IFT122: variants seen among roughly 807,000 people sequenced by gnomAD.
The protein encoded by IFT122 is intraflagellar transport protein 122 homolog.
A neutral mutation model predicts 161.6 loss-of-function variants in IFT122; 118 were observed. The observed-to-expected ratio is 0.73, with a 90% CI of 0.63 to 0.85. The LOEUF (loss-of-function observed/expected upper bound fraction) is 0.85. IFT122 is among the 40% of genes least tolerant of loss of function. IFT122 has a pLI of 0.00. For synonymous variants in IFT122, 550 were observed against 602.4 expected, an observed-to-expected ratio of 0.91 and a Z score of 1.27; for missense variants, 1,381 against 1,579.6, an observed-to-expected ratio of 0.87 and a Z score of 2.13.
At position 129,497,995 on chromosome 3, in the gene IFT122, T is replaced by C. The variant is rs564339008; in HGVS notation, c.2209-1907T>C. On this transcript the variant is annotated intron_variant, in intron 18 of 29. Transcript: ENST00000348417. ...TCTTAACTCTTATGTAGTATGTTCT[T>C]ATCAAAATCACCAAGCATGAGAACA... Among the ~76,000 whole-genome samples, 25 of 152,356 alleles carry C rather than the reference T, an allele frequency of 1.6e-4. No individual in the cohort carries two copies. The East Asian group carries it at 2.1e-3, about 13-fold the overall frequency.
intron 28 of IFT122, 67 bp downstream of exon 28, chr3:129,519,253 A>G: frequency 7.2e-7 from 1 of 1,392,526 alleles, no homozygotes; most frequent in Non-Finnish European, 1.0e-6. Flanking sequence ...GCACATGGGG[A>G]CCCTCAGCTA....
intron 3 of IFT122, chr3:129,456,283 T>C (rs1457192776): frequency 8.0e-7 from 1 of 1,246,800 alleles, no homozygotes; most frequent in Non-Finnish European, 1.0e-6. Context: ...AGTTTCTTTG[T>C]TTATTTAGTA....
At chr3:129,492,031 C>G in intron 16 of IFT122, 110 bp from the exon 17 acceptor site, 3 of 833,714 alleles carry the variant, frequency 3.6e-6, no homozygotes, top group Non-Finnish European at 6.3e-6. Flanking sequence ...CTCCCTTCCT[C>G]TCCTCTGTGG....
At chr3:129,519,357 T>C (rs1160451386) in intron 28 of IFT122, among the ~76,000 whole-genome samples, 171 bp downstream of exon 28, 3 of 152,168 alleles carry the variant, frequency 2.0e-5, no homozygotes, top group Non-Finnish European at 2.9e-5. Flanking sequence ...GAGCCATGGC[T>C]GCCCCCGAGG....
chr3:129,451,750 A>T (rs1053360918), intron 2 of IFT122, among the ~76,000 whole-genome samples, 164 bp from the exon 3 acceptor site: 1 of 152,158 alleles, frequency 6.6e-6, no homozygotes, highest in African/African-American at 2.4e-5. Context: ...TGGTTACCCA[A>T]CTTTAAGTCA....
chr3:129,442,871 T>G (rs1357244609), intron 1 of IFT122, among the ~76,000 whole-genome samples: 1 of 152,242 alleles, frequency 6.6e-6, no homozygotes, highest in East Asian at 1.9e-4. Flanking sequence ...ACTTTTAGGT[T>G]GAGCTGAAAA....
At chr3:129,458,822 G>A (rs1458378986) in intron 4 of IFT122, 145 bp downstream of exon 4, 4 of 706,730 alleles carry the variant, frequency 5.7e-6, no homozygotes, top group Non-Finnish European at 1.0e-5. Flanking sequence ...GTTGGTATAG[G>A]AAGGTTGAGT....
chr3:129,519,489 A>G (rs548720665), intron 28 of IFT122, 79 bp from the exon 29 acceptor site: 1 of 1,584,246 alleles, frequency 6.3e-7, no homozygotes, highest in East Asian at 2.3e-5. Flanking sequence ...ACTGCCAAAG[A>G]TTCCAGGATC....
At position 129,481,615 on chromosome 3, in the gene IFT122, C is replaced by T. The variant is rs1180497531; in HGVS notation, c.1574C>T (p.Ser525Phe). 2.3e-5 allele frequency: 37 copies of T among 1,602,388 alleles called. No individual in the cohort carries two copies. The highest frequency in any genetic ancestry group is 3.0e-5 in the Non-Finnish European group (35 of 1,169,400). The change falls in exon 14 of 30, where the codon TCC becomes TTC. Residue 525 changes from serine (S) to phenylalanine (F), a missense_variant. Ser to Phe is a radical substitution (Grantham distance 155). Around this residue, in one of 7 missense-constraint regions of IFT122, gnomAD observed 544 missense variants for 648.0 expected, o/e 0.84. Transcript: ENST00000348417. Reference protein sequence around the residue: ...TAVRCLDMSASRKKLAVVDEN... With the variant: ...TAVRCLDMSAFRKKLAVVDEN... The stretch of plus-strand genomic sequence containing the variant: ...GTGCGCTGCTTGGACATGAGTGCCT[C>T]CCGTAAGAAGCTGGCCGTGGTAGAT...
chr3:129,486,522 G>T (rs1236678334), intron 15 of IFT122, among the ~76,000 whole-genome samples: 15 of 152,198 alleles, frequency 9.9e-5, no homozygotes, highest in Non-Finnish European at 1.5e-5. Flanking sequence ...AGCTCATTGT[G>T]TGCTTTAAGA....
chr3:129,517,427 C>A (rs1398110814), intron 26 of IFT122, 42 bp from the exon 27 acceptor site: 5 of 1,609,772 alleles, frequency 3.1e-6, no homozygotes, highest in Non-Finnish European at 4.2e-6. Flanking sequence ...AAGTCCTTTG[C>A]AAGGCCTCCA....
chr3:129,514,837 C>T (rs2083288480), intron 25 of IFT122: 2 of 541,536 alleles, frequency 3.7e-6, no homozygotes, highest in South Asian at 2.0e-5. Context: ...AGCCCCACAC[C>T]TCTGTGCCCA....
At chr3:129,452,841 GAC>G (rs1278610970) in intron 3 of IFT122, among the ~76,000 whole-genome samples, 2 of 148,664 alleles carry the variant, frequency 1.3e-5, no homozygotes, top group Non-Finnish European at 3.0e-5. Flanking sequence ...GCATCATCCA[GAC>G]AGGGGGTGAT....
At chr3:129,476,944 T>TC (rs1033774890) in intron 11 of IFT122, 143 bp downstream of exon 11, 2 of 857,928 alleles carry the variant, frequency 2.3e-6, no homozygotes, top group African/African-American at 3.6e-5. Context: ...TGTCTTGTTT[T>TC]CTTTTTTTTT....
intron 17 of IFT122, among the ~76,000 whole-genome samples, chr3:129,494,127 G>A (rs1050724639): frequency 3.3e-4 from 50 of 152,100 alleles, no homozygotes; most frequent in African/African-American, 1.2e-3. Context: ...GCCATAGATC[G>A]TTTTTATTGG....
chr3:129,502,012 G>A lies in IFT122; in HGVS notation c.2376-699G>A, dbSNP rs564932802. Among the ~76,000 whole-genome samples the A allele has an allele frequency of 3.4e-4, 52 of 152,262 alleles. No homozygotes were observed. The South Asian group carries it at 9.5e-3, about 28-fold the overall frequency. ...TCCAGCCTGACCAGAGAGAACAAGC[G>A]CATTCTATCCAGGCCTCATGTCCCC... On this transcript the variant is annotated intron_variant, in intron 19 of 29. Transcript: ENST00000348417.
Position 129,447,723 on chromosome 3 carries a change from G to T in IFT122, c.42-2148G>T, listed in dbSNP as rs529249169. Reference sequence around the variant, plus strand: ...AGACAGGGTTTCACCATGTTGGTCAGGCTGGCCTCAAACTCCTGACCTCGT... The same window carrying T: ...AGACAGGGTTTCACCATGTTGGTCATGCTGGCCTCAAACTCCTGACCTCGT... On this transcript the variant is annotated intron_variant, in intron 1 of 29. Transcript: ENST00000348417. Among the ~76,000 whole-genome samples, 7 of 152,306 alleles carry T rather than the reference G, an allele frequency of 4.6e-5. 1 individual carries two copies. Among genetic ancestry groups the T allele is most frequent in the African/African-American group, 1.7e-4 (7 of 41,566 alleles).
chr3:129,483,659 A>C lies in IFT122; in HGVS notation c.1828A>C (p.Ile610Leu), dbSNP rs1229728116. ...GATCTTCTGCCTCCATGTCTTCTCC[A>C]TTTCTGCCGTGGAGGTGCCGCAGGT... is the stretch of plus-strand genomic sequence containing the variant. ...SKIFCLHVFS[I>L]SAVEVPQSAP... is the part of the protein sequence containing the mutation. The change falls in exon 15 of 30, where the codon ATT (isoleucine) becomes CTT (leucine). Residue 610 changes from isoleucine to leucine, a missense_variant. By Grantham distance (5) the Ile-to-Leu change is conservative (BLOSUM62 2). Around this residue, in one of 7 missense-constraint regions of IFT122, gnomAD observed 544 missense variants for 648.0 expected, o/e 0.84. Transcript: ENST00000348417. 8 of 1,605,612 alleles carry C rather than the reference A, an allele frequency of 5.0e-6. No homozygotes were observed. In the African/African-American group the frequency reaches 1.1e-4, roughly 22 times the overall value.
At chr3:129,446,865 TTTG>T (rs933703802) in intron 1 of IFT122, among the ~76,000 whole-genome samples, 34 of 152,346 alleles carry the variant, frequency 2.2e-4, no homozygotes, top group Admixed American at 1.6e-3. Flanking sequence ...GTTTTGTTTT[TTTG>T]TTGTTGTTGT....
Sources: allele counts gnomAD v4.1 joint callset (sites outside exome capture counted in the v4.1 genomes callset), GRCh38; gene constraint gnomAD v4.1.1; regional missense constraint gnomAD v4.1.1; transcripts MANE v1.5; gene names NCBI Gene and HGNC (gene_info 2026-07-23, HGNC 2026-07-21).